MSANTD1: variants seen among roughly 807,000 people sequenced by gnomAD.
MSANTD1 encodes the protein Myb/SANT DNA binding domain containing 1, also known as myb/SANT-like DNA-binding domain-containing protein 1.
Under a neutral mutation model 24.2 loss-of-function variants are expected in MSANTD1, and 7 were observed. The observed-to-expected ratio is 0.29, with a 90% CI of 0.16 to 0.54. The LOEUF is 0.54. MSANTD1 is among the 20% of genes least tolerant of loss of function. MSANTD1 has a pLI of 0.94. For synonymous variants in MSANTD1, 177 were observed against 181.1 expected (o/e 0.98, Z 0.18); for missense variants, 384 against 408.2 (o/e 0.94, Z 0.51).
chr4:3,255,114 C>A (rs998177021), intron 2 of MSANTD1, among the ~76,000 whole-genome samples: 1 of 152,360 alleles, frequency 6.6e-6, no homozygotes, highest in East Asian at 1.9e-4. Flanking sequence ...CTCTGCAGCC[C>A]AGAACATCCC....
intron 2 of MSANTD1, among the ~76,000 whole-genome samples, chr4:3,254,485 G>C (rs537109855): frequency 6.6e-6 from 1 of 152,220 alleles, no homozygotes; most frequent in Non-Finnish European, 1.5e-5. Context: ...GGACTGGGGC[G>C]TGGGGGCTGC....
In MSANTD1 at chr4:3,255,859, T is replaced by G; in HGVS notation, c.731T>G (p.Val244Gly). 3.2e-6 allele frequency: 5 copies of G among 1,545,252 alleles called. No individual in the cohort carries two copies. Among genetic ancestry groups the G allele is most frequent in the Non-Finnish European group, 4.4e-6 (5 of 1,146,446 alleles). ...GCCGTGGAGGAGACCTGCCGCGAGG[T>G]GCGCCGCGTGCTGGACCAGCAGCAC... ...SRAVEETCRE[V>G]RRVLDQQHIL... Residue 244 changes from valine (V) to glycine (G), a missense_variant, in exon 3 of 3, where the codon GTG (valine) becomes GGG (glycine). Val to Gly is a moderately radical substitution (Grantham distance 109). Coordinates refer to ENST00000438480, the MANE Select transcript of MSANTD1 (RefSeq NM_001042690.2).
chr4:3,251,950 C>T (rs1239675820), intron 1 of MSANTD1, among the ~76,000 whole-genome samples: 1 of 152,240 alleles, frequency 6.6e-6, no homozygotes, highest in Non-Finnish European at 1.5e-5. Context: ...TTCACAGCCA[C>T]GTGCCACCCT....
intron 2 of MSANTD1, among the ~76,000 whole-genome samples, chr4:3,254,484 C>T (rs577747742): frequency 6.6e-6 from 1 of 152,312 alleles, no homozygotes; most frequent in South Asian, 2.1e-4. Context: ...AGGACTGGGG[C>T]GTGGGGGCTG....
chr4:3,252,605 TA>T (rs1488867798), intron 1 of MSANTD1, among the ~76,000 whole-genome samples: 1 of 152,170 alleles, frequency 6.6e-6, no homozygotes, highest in Non-Finnish European at 1.5e-5. Context: ...ATGTCATTGA[TA>T]TAAAAATAGA....
In MSANTD1 at chr4:3,249,449, A is replaced by G; in HGVS notation, c.227A>G (p.Glu76Gly). 3.7e-6 allele frequency: 6 copies of G among 1,611,254 alleles called. No homozygotes were observed. Among genetic ancestry groups the G allele is most frequent in the Non-Finnish European group, 5.1e-6 (6 of 1,179,428 alleles). The change falls in exon 1 of 3, where the codon GAG (glutamate) becomes GGG (glycine). Residue 76 changes from glutamate to glycine, a missense_variant. Glu to Gly is a moderately conservative substitution (Grantham distance 98). Coordinates refer to ENST00000438480, the MANE Select transcript of MSANTD1 (RefSeq NM_001042690.2). The part of the protein sequence containing the change: ...KQTKRNAKVY[E>G]KMASKLFEMT... ...ACCAAGCGCAACGCCAAGGTGTACG[A>G]GAAGATGGCCAGCAAGCTCTTCGAG...
chr4:3,254,675 C>T (rs1412503334), intron 2 of MSANTD1, among the ~76,000 whole-genome samples: 2 of 152,200 alleles, frequency 1.3e-5, no homozygotes, highest in East Asian at 3.9e-4. Flanking sequence ...TGGCCCCTAC[C>T]CCAGCAGCAG....
chr4:3,253,704 A>G (rs1469770542), intron 2 of MSANTD1, among the ~76,000 whole-genome samples: 1 of 152,228 alleles, frequency 6.6e-6, no homozygotes, highest in Non-Finnish European at 1.5e-5. Context: ...TTTGAGCTGC[A>G]CGGAAAGTTC....
upstream of MSANTD1, chr4:3,248,901 C>T (rs925489716): frequency 4.6e-5 from 13 of 285,316 alleles, no homozygotes; most frequent in African/African-American, 6.6e-5. Flanking sequence ...TCTTGGCCTG[C>T]GTGAGCCGGG....
intron 1 of MSANTD1, among the ~76,000 whole-genome samples, chr4:3,252,592 A>G (rs1722260285): frequency 1.3e-5 from 2 of 152,260 alleles, no homozygotes; most frequent in Admixed American, 1.3e-4. Context: ...TTTGATCATC[A>G]CTATGTCATT....
At chr4:3,255,233 CTTT>C (rs555315961) in intron 2 of MSANTD1, among the ~76,000 whole-genome samples, 2 of 143,794 alleles carry the variant, frequency 1.4e-5, no homozygotes, top group Admixed American at 6.9e-5. Context: ...CTTTCTTTTT[CTTT>C]TTTTTTTTTT....
chr4:3,250,247 C>T (rs1722181934), intron 1 of MSANTD1, among the ~76,000 whole-genome samples: 1 of 152,196 alleles, frequency 6.6e-6, no homozygotes, highest in Non-Finnish European at 1.5e-5. Flanking sequence ...GTGGGGGCTC[C>T]CGGCCTGGCC....
chr4:3,247,258 T>C (rs1722059045), upstream of MSANTD1, among the ~76,000 whole-genome samples: 3 of 152,098 alleles, frequency 2.0e-5, no homozygotes, highest in African/African-American at 7.2e-5. Flanking sequence ...AACAGGTTAG[T>C]GGGGAGGACA....
At chr4:3,255,554 G>A (rs538854688) in intron 2 of MSANTD1, among the ~76,000 whole-genome samples, 171 bp from the exon 3 acceptor site, 1 of 152,302 alleles carries the variant, frequency 6.6e-6, no homozygotes, top group African/African-American at 2.4e-5. Flanking sequence ...AAGGCGGTGG[G>A]TTCTGGCCCC....
chr4:3,255,997 C>A lies in MSANTD1; in HGVS notation c.*32C>A. The A allele has an allele frequency of 1.4e-6, 2 of 1,479,850 alleles. No individual in the cohort carries two copies. The highest frequency in any genetic ancestry group is 9.0e-7 in the Non-Finnish European group (1 of 1,117,048). The allele number at this position is 1,479,850 out of a possible 1,614,324, so 91.7% of individuals were successfully genotyped here. ...AGGCGGCGGCGGCGGCGGGGCCGGG[C>A]GGCTGGTGGTACTGCTCAGGCCACC... On this transcript the variant is annotated 3_prime_UTR_variant, in exon 3 of 3. Coordinates refer to ENST00000438480, the MANE Select transcript of MSANTD1 (RefSeq NM_001042690.2).
Position 3,253,327 on chromosome 4 carries a change from G to A in MSANTD1, c.441G>A (p.Gln147=). 1 of 1,610,092 alleles carries A rather than the reference G, an allele frequency of 6.2e-7. No individual in the cohort carries two copies. The highest frequency in any genetic ancestry group is 8.5e-7 in the Non-Finnish European group (1 of 1,178,358). ...GTGATGGCAAACTGCCGGACAGCCA[G>A]CCGCCGGGGCCCTCCACGTCCCAGA... ...ESCDGKLPDS[Q]PPGPSTSQTE... The change falls in exon 2 of 3, where the codon CAG becomes CAA. Residue 147 remains glutamine, a synonymous_variant. Transcript: ENST00000438480.
chr4:3,248,103 G>A (rs368599898), upstream of MSANTD1: 3 of 152,394 alleles, frequency 2.0e-5, no homozygotes, highest in African/African-American at 4.8e-5. Flanking sequence ...AGGTGCCGTG[G>A]GCTCCACAGA....
At position 3,255,749 on chromosome 4, in the gene MSANTD1, G is replaced by T; in HGVS notation, c.621G>T (p.Lys207Asn). Residue 207 changes from lysine (K) to asparagine (N), a missense_variant, in exon 3 of 3, where the codon AAG becomes AAT. Lys to Asn is a moderately conservative substitution (Grantham distance 94). Coordinates refer to ENST00000438480, the MANE Select transcript of MSANTD1 (RefSeq NM_001042690.2). ...KFRSEERPVKKRKVQSCHLQK... is the reference protein window; with the variant it reads ...KFRSEERPVKNRKVQSCHLQK... Reference sequence around the variant, plus strand: ...GGTCGGAGGAGCGGCCGGTGAAGAAGCGCAAGGTGCAGAGCTGCCACCTGC... The same window carrying T: ...GGTCGGAGGAGCGGCCGGTGAAGAATCGCAAGGTGCAGAGCTGCCACCTGC... The T allele has an allele frequency of 6.5e-7, 1 of 1,544,686 alleles. No individual in the cohort carries two copies. The highest frequency in any genetic ancestry group is 8.7e-7 in the Non-Finnish European group (1 of 1,145,384).
chr4:3,247,221 C>T (rs1315869180), upstream of MSANTD1, among the ~76,000 whole-genome samples: 6 of 152,178 alleles, frequency 3.9e-5, no homozygotes, highest in Non-Finnish European at 4.4e-5. Context: ...TAGTCAGATC[C>T]TGTTACCCCT....
Sources: allele counts gnomAD v4.1 joint callset (sites outside exome capture counted in the v4.1 genomes callset), GRCh38; gene constraint gnomAD v4.1.1; transcripts MANE v1.5; gene names NCBI Gene and HGNC (gene_info 2026-07-23, HGNC 2026-07-21).